Variants in KLF12 observed in about 807,000 individuals in gnomAD.
The protein encoded by KLF12 is KLF transcription factor 12, also known as Krueppel-like factor 12.
A neutral mutation model predicts 37.8 loss-of-function variants in KLF12; 9 were observed. The observed-to-expected ratio is 0.24, with a 90% CI of 0.14 to 0.42. The LOEUF is 0.42. KLF12 is among the 10% of genes least tolerant of loss of function. The pLI, the probability that KLF12 is intolerant of heterozygous loss-of-function variation, is 1.00. For synonymous variants in KLF12, 208 were observed against 202.1 expected, an observed-to-expected ratio of 1.03 and a Z score of -0.25; for missense variants, 411 against 516.0, an observed-to-expected ratio of 0.80 and a Z score of 1.97.
the KLF12 span, among the ~76,000 whole-genome samples, chr13:74,223,803 G>A: frequency 6.6e-6 from 1 of 152,124 alleles, no homozygotes; most frequent in African/African-American, 2.4e-5. Context: ...TCCTAGTTGT[G>A]TGTGACTATC....
intron 1 of KLF12, among the ~76,000 whole-genome samples, chr13:74,044,782 T>C (rs901703372): frequency 2.0e-5 from 3 of 151,214 alleles, no homozygotes; most frequent in African/African-American, 7.3e-5. Context: ...GAGGCAGAGG[T>C]TGCGGTAAGC....
chr13:73,961,612 C>A (rs561893743), intron 2 of KLF12, among the ~76,000 whole-genome samples: 1 of 152,052 alleles, frequency 6.6e-6, no homozygotes, highest in Non-Finnish European at 1.5e-5. Context: ...ACAGGGGGCT[C>A]CTGACATGTG....
intron 3 of KLF12, among the ~76,000 whole-genome samples, chr13:73,855,061 A>C (rs1392931128): frequency 6.6e-6 from 1 of 152,214 alleles, no homozygotes; most frequent in Non-Finnish European, 1.5e-5. Context: ...GAGTTTTGAA[A>C]GGCCCCAGAA....
chr13:74,260,574 T>TAAATAAAATAAAATA, the KLF12 span, among the ~76,000 whole-genome samples: 18 of 100,336 alleles, frequency 1.8e-4, no homozygotes, highest in Admixed American at 7.8e-4. Context: ...TAAAATAAAA[T>TAAATAAAATAAAATA]AAATAAAATA....
At chr13:73,852,594 T>C (rs1043288337) in intron 3 of KLF12, among the ~76,000 whole-genome samples, 19 of 151,888 alleles carry the variant, frequency 1.3e-4, no homozygotes, top group Non-Finnish European at 2.4e-4. Context: ...CAGCCCAACA[T>C]AGTGAAACCC....
chr13:74,117,321 CA>C (rs1216274583), intron 1 of KLF12, among the ~76,000 whole-genome samples: 2 of 152,190 alleles, frequency 1.3e-5, no homozygotes, highest in Non-Finnish European at 1.5e-5. Context: ...TATTCAAAAA[CA>C]AAAGGACAAG....
At chr13:74,136,204 GCGTCGGGAACC>G (rs1878548240), upstream of KLF12, among the ~76,000 whole-genome samples, 1 of 152,208 alleles carries the variant, frequency 6.6e-6, no homozygotes, top group South Asian at 2.1e-4. Flanking sequence ...CGCAGCGAGG[GCGTCGGGAACC>G]CAGTGGGACT....
intron 2 of KLF12, among the ~76,000 whole-genome samples, chr13:73,981,279 G>C (rs540720827): frequency 2.0e-5 from 3 of 151,820 alleles, no homozygotes; most frequent in African/African-American, 7.3e-5. Flanking sequence ...ATATATTCCA[G>C]AGAAAATCTT....
chr13:73,832,660 T>C (rs1412221522), intron 4 of KLF12, among the ~76,000 whole-genome samples: 2 of 152,244 alleles, frequency 1.3e-5, no homozygotes, highest in Non-Finnish European at 2.9e-5. Context: ...AACCAAATCT[T>C]TGTTTTATGG....
intron 5 of KLF12, among the ~76,000 whole-genome samples, chr13:73,782,694 C>G (rs1012456476): frequency 2.6e-5 from 4 of 152,222 alleles, no homozygotes; most frequent in Non-Finnish European, 5.9e-5. Context: ...TACTAATTAT[C>G]TGCTGATTAG....
At chr13:73,733,292 A>G (rs188374931) in intron 6 of KLF12, among the ~76,000 whole-genome samples, 289 of 152,190 alleles carry the variant, frequency 1.9e-3, no homozygotes, top group Middle Eastern at 3.4e-3. Context: ...TGTTTCCACT[A>G]TATATTAACT....
intron 3 of KLF12, among the ~76,000 whole-genome samples, chr13:73,904,320 T>C (rs903697779): frequency 6.6e-6 from 1 of 152,222 alleles, no homozygotes; most frequent in Non-Finnish European, 1.5e-5. Flanking sequence ...TAACAATCAT[T>C]GCCCAAAAAT....
intron 5 of KLF12, among the ~76,000 whole-genome samples, chr13:73,811,797 T>C (rs1013332014): frequency 1.3e-5 from 2 of 152,372 alleles, no homozygotes; most frequent in Admixed American, 6.5e-5. Context: ...TGATGTATTA[T>C]ATGTATATTC....
At chr13:73,908,508 T>C (rs745905714) in intron 3 of KLF12, among the ~76,000 whole-genome samples, 55 of 150,848 alleles carry the variant, frequency 3.6e-4, no homozygotes, top group Non-Finnish European at 7.2e-4. Flanking sequence ...TGAGATGGAG[T>C]TTCGCTCCGT....
In KLF12 at chr13:73,731,018, C is replaced by A. The variant is rs114908819; in HGVS notation, c.870-15493G>T. Reference sequence around the variant, plus strand: ...GGTGAGAAGGTGATTAAAGTCAAGGCCTTTATCAATCACTGAGCTATCTAT... The same window carrying A: ...GGTGAGAAGGTGATTAAAGTCAAGGACTTTATCAATCACTGAGCTATCTAT... On this transcript the variant is annotated intron_variant, in intron 6 of 7. Coordinates refer to ENST00000377669, the MANE Select transcript of KLF12 (RefSeq NM_007249.5). Among the ~76,000 whole-genome samples, 836 of 152,132 alleles carry A rather than the reference C, an allele frequency of 5.5e-3. 5 individuals are homozygous for A. Among genetic ancestry groups the A allele is most frequent in the African/African-American group, 0.019 (789 of 41,496 alleles).
At position 73,692,048 on chromosome 13, in the gene KLF12, T is replaced by C. The variant is rs1444009207; in HGVS notation, c.*3442A>G. The C allele has an allele frequency of 1.3e-5, 2 of 152,634 alleles. No individual in the cohort carries two copies. Among genetic ancestry groups the C allele is most frequent in the Non-Finnish European group, 2.9e-5 (2 of 68,024 alleles). 9.5% of individuals were successfully genotyped at this position (152,634 alleles called of 1,614,324 possible). On this transcript the variant is annotated 3_prime_UTR_variant, in exon 8 of 8. Coordinates refer to ENST00000377669, the MANE Select transcript of KLF12 (RefSeq NM_007249.5). ...TCATTTTTTTAAAAAATGTGGTTTATGTTGCTGTTACTCAACTGCTTTTGA... is the reference window on the plus strand; with the variant it reads ...TCATTTTTTTAAAAAATGTGGTTTACGTTGCTGTTACTCAACTGCTTTTGA...
chr13:74,047,964 G>C (rs1036685619), intron 1 of KLF12, among the ~76,000 whole-genome samples: 1 of 152,216 alleles, frequency 6.6e-6, no homozygotes, highest in Non-Finnish European at 1.5e-5. Flanking sequence ...CAAGGGTATG[G>C]AAGCTGTGCT....
chr13:73,758,675 C>G (rs1047540627), intron 6 of KLF12, among the ~76,000 whole-genome samples: 2 of 152,080 alleles, frequency 1.3e-5, no homozygotes, highest in East Asian at 1.9e-4. Context: ...AAGTGGTTAC[C>G]TTTATGGCCT....
intron 5 of KLF12, among the ~76,000 whole-genome samples, chr13:73,766,931 C>T (rs1879954875): frequency 6.6e-6 from 1 of 152,080 alleles, no homozygotes; most frequent in Admixed American, 6.6e-5. Flanking sequence ...TGGAGAATTT[C>T]TATAATGGTT....
Sources: gnomAD v4.1 joint callset for allele counts (sites outside exome capture counted in the v4.1 genomes callset) on GRCh38, gnomAD v4.1.1 for gene constraint, MANE v1.5 for transcripts, NCBI Gene and HGNC (gene_info 2026-07-23, HGNC 2026-07-21) for gene names.